CRTC1: variants seen among roughly 807,000 people sequenced by gnomAD.
CRTC1 encodes CREB regulated transcription coactivator 1.
A neutral mutation model predicts 66.1 loss-of-function variants in CRTC1; 18 were observed. That is an observed-to-expected ratio of 0.27 (90% CI 0.19 to 0.40). CRTC1 has a LOEUF of 0.40. Ranked by LOEUF, CRTC1 falls within the 10% of genes least tolerant of loss-of-function variation. The pLI, the probability that CRTC1 is intolerant of heterozygous loss-of-function variation, is 1.00. For synonymous variants in CRTC1, 416 were observed against 398.8 expected, an observed-to-expected ratio of 1.04 and a Z score of -0.51; for missense variants, 669 against 887.9, an observed-to-expected ratio of 0.75 and a Z score of 3.13.
rs1234229044 is a variant in CRTC1 at position 18,780,290 on chromosome 19, C to T, written c.*2908C>T. On this transcript the variant is annotated 3_prime_UTR_variant, in exon 14 of 14. Coordinates refer to ENST00000321949, the MANE Select transcript of CRTC1 (RefSeq NM_015321.3). ...TGCTGGGTACATCGGTCCCCTACGG[C>T]GAAGTTCAGCCAGGGCTCTCCCTCC... The T allele has an allele frequency of 8.6e-6, 2 of 231,346 alleles. No individual in the cohort carries two copies. Among genetic ancestry groups the T allele is most frequent in the Non-Finnish European group, 8.6e-6 (1 of 116,952 alleles). The allele number at this position is 231,346 out of a possible 1,614,324, so 14.3% of individuals were successfully genotyped here.
chr19:18,697,353 T>C (rs955560047), intron 1 of CRTC1, among the ~76,000 whole-genome samples: 1 of 152,222 alleles, frequency 6.6e-6, no homozygotes, highest in Admixed American at 6.5e-5. Flanking sequence ...GAGGCCTCTT[T>C]TTTTTTGGAG....
intron 1 of CRTC1, among the ~76,000 whole-genome samples, chr19:18,727,781 G>T (rs2053795568): frequency 6.6e-6 from 1 of 151,852 alleles, no homozygotes; most frequent in African/African-American, 2.4e-5. Flanking sequence ...AAGTGCAGTG[G>T]CACAATCTTG....
At chr19:18,742,100 A>AGG (rs1600903399) in intron 1 of CRTC1, among the ~76,000 whole-genome samples, 2 of 152,170 alleles carry the variant, frequency 1.3e-5, no homozygotes, top group East Asian at 3.9e-4. Flanking sequence ...AGCATCCCCA[A>AGG]GGGCCTCGGG....
rs539181872 is a variant in CRTC1 at position 18,748,518 on chromosome 19, C to T, written c.444-1263C>T. Among the ~76,000 whole-genome samples, 21 of 144,422 alleles carry T rather than the reference C, an allele frequency of 1.5e-4. 1 individual carries two copies. The South Asian group carries it at 2.9e-3, about 20-fold the overall frequency. 94.7% of individuals were successfully genotyped at this position (144,422 alleles called of 152,430 possible). A position where few individuals can be genotyped will look rare whatever the true frequency, so the allele number is the denominator to read the frequency against. ...ACAGGACATGAGCCACTGTGCCTGG[C>T]TGTTATATATATTTTACTACAATAG... is the stretch of plus-strand genomic sequence containing the variant. On this transcript the variant is annotated intron_variant, in intron 4 of 13. Transcript: ENST00000321949.
At chr19:18,758,134 G>A (rs1170867889) in intron 6 of CRTC1, among the ~76,000 whole-genome samples, 4 of 151,696 alleles carry the variant, frequency 2.6e-5, no homozygotes, top group Non-Finnish European at 5.9e-5. Context: ...GGCCGAGGTG[G>A]GCGGATCATG....
At chr19:18,765,291 TTCTG>T (rs1183866788) in intron 8 of CRTC1, 109 bp from the exon 9 acceptor site, 6 of 1,438,634 alleles carry the variant, frequency 4.2e-6, no homozygotes, top group Non-Finnish European at 5.5e-6. Context: ...GTCCATGGGC[TTCTG>T]TCTGAGCAGT....
intron 2 of CRTC1, among the ~76,000 whole-genome samples, chr19:18,744,491 AACAC>A (rs56007866): frequency 9.2e-4 from 137 of 148,878 alleles, no homozygotes; most frequent in Middle Eastern, 3.5e-3. Flanking sequence ...CACACACACA[AACAC>A]ACACACACAC....
chr19:18,775,950 G>A, intron 13 of CRTC1, 129 bp downstream of exon 13: 1 of 963,824 alleles, frequency 1.0e-6, no homozygotes. Context: ...CTTGATGGGG[G>A]CCTGAGGAGG....
rs374504768 is a variant in CRTC1, at chr19:18,774,941, T to C, written c.1467T>C (p.Tyr489=). 1 of 1,610,060 alleles carries C rather than the reference T, an allele frequency of 6.2e-7. No homozygotes were observed. Among genetic ancestry groups the C allele is most frequent in the Admixed American group, 1.7e-5 (1 of 60,004 alleles). Residue 489 remains tyrosine, a synonymous_variant, in exon 12 of 14, where the codon TAT becomes TAC. Transcript: ENST00000321949. ...TLGSVFGDAY[Y]EQQMAARQAN... ...GCAGCGTGTTTGGGGACGCGTACTA[T>C]GAGCAGCAGATGGCGGCCAGGCAGG...
chr19:18,747,227 T>A, intron 4 of CRTC1, 113 bp downstream of exon 4: 1 of 734,646 alleles, frequency 1.4e-6, no homozygotes, highest in Non-Finnish European at 2.2e-6. Flanking sequence ...ATGACCAAAC[T>A]AAGATGCATC....
chr19:18,766,469 C>CA (rs1435354922), intron 9 of CRTC1, among the ~76,000 whole-genome samples: 1 of 151,358 alleles, frequency 6.6e-6, no homozygotes, highest in Non-Finnish European at 1.5e-5. Context: ...ATTTTTGAGA[C>CA]AGAGTCTCGC....
intron 1 of CRTC1, among the ~76,000 whole-genome samples, chr19:18,721,896 T>G (rs1015870300): frequency 1.3e-5 from 2 of 152,176 alleles, no homozygotes; most frequent in African/African-American, 4.8e-5. Flanking sequence ...ACAGCAGACA[T>G]TCTGCCAAGT....
intron 1 of CRTC1, among the ~76,000 whole-genome samples, chr19:18,730,438 G>T (rs2053860893): frequency 6.6e-6 from 1 of 152,072 alleles, no homozygotes; most frequent in South Asian, 2.1e-4. Flanking sequence ...CTGTCTTCAG[G>T]ATGGGCCCTT....
chr19:18,766,686 A>G (rs1039878863), intron 9 of CRTC1, among the ~76,000 whole-genome samples: 4 of 152,314 alleles, frequency 2.6e-5, no homozygotes, highest in African/African-American at 7.2e-5. Context: ...GCCTCAGGCA[A>G]TCTGCCCACC....
Position 18,777,164 on chromosome 19 carries a change from C to A in CRTC1, c.1694-7C>A. The A allele has an allele frequency of 6.5e-6, 9 of 1,374,168 alleles. No individual in the cohort carries two copies. Among genetic ancestry groups the A allele is most frequent in the Non-Finnish European group, 8.3e-6 (8 of 969,420 alleles). 85.1% of individuals were successfully genotyped at this position (1,374,168 alleles called of 1,614,324 possible). On this transcript the variant is annotated splice_polypyrimidine_tract_variant and splice_region_variant and intron_variant, in intron 13 of 13. Coordinates refer to ENST00000321949, the MANE Select transcript of CRTC1 (RefSeq NM_015321.3). This position sits in a 1 kb window ranked among gnomAD's most constrained non-coding sequence, Gnocchi z 5.5. ...GCAGTGCCTTTTGTCCCCACCCCATCCCCCAGTGACAGGAGAGTCCCCCCC... is the reference window on the plus strand; with the variant it reads ...GCAGTGCCTTTTGTCCCCACCCCATACCCCAGTGACAGGAGAGTCCCCCCC...
At chr19:18,709,320 C>T (rs1252224378) in intron 1 of CRTC1, among the ~76,000 whole-genome samples, 1 of 152,158 alleles carries the variant, frequency 6.6e-6, no homozygotes, top group Non-Finnish European at 1.5e-5. Context: ...GATGTCCCCT[C>T]ATGGTGCCTT....
At chr19:18,773,153 C>T (rs975565209) in intron 11 of CRTC1, among the ~76,000 whole-genome samples, 2 of 151,970 alleles carry the variant, frequency 1.3e-5, no homozygotes, top group Non-Finnish European at 2.9e-5. Context: ...AGGCAGGCGG[C>T]TCATGGAGGT....
At chr19:18,750,329 C>T (rs2054335593) in intron 5 of CRTC1, among the ~76,000 whole-genome samples, 1 of 152,224 alleles carries the variant, frequency 6.6e-6, no homozygotes, top group African/African-American at 2.4e-5. Flanking sequence ...TCGCCTGCAG[C>T]CCCTGGGCCC....
intron 1 of CRTC1, among the ~76,000 whole-genome samples, chr19:18,689,727 T>C (rs939064004): frequency 6.6e-6 from 1 of 151,008 alleles, no homozygotes; most frequent in Non-Finnish European, 1.5e-5. Context: ...TACCCCGTTT[T>C]GTCCATTCAT....
Sources: gnomAD v4.1 joint callset for allele counts (sites outside exome capture counted in the v4.1 genomes callset) on GRCh38, gnomAD v4.1.1 for gene constraint, Gnocchi (gnomAD v3.1) non-coding constraint, MANE v1.5 for transcripts, NCBI Gene and HGNC (gene_info 2026-07-23, HGNC 2026-07-21) for gene names.